PLCB4: variants seen among roughly 807,000 people sequenced by gnomAD.
The protein encoded by PLCB4 is 1-phosphatidylinositol 4,5-bisphosphate phosphodiesterase beta-4.
A neutral mutation model predicts 178.8 loss-of-function variants in PLCB4; 77 were observed. The observed-to-expected ratio is 0.43, with a 90% CI of 0.36 to 0.52. PLCB4 has a LOEUF of 0.52. PLCB4 is among the 20% of genes least tolerant of loss of function. PLCB4 has a pLI of 0.00. For synonymous variants in PLCB4, 496 were observed against 490.8 expected, an observed-to-expected ratio of 1.01 and a Z score of -0.14; for missense variants, 1,024 against 1,453.4, an observed-to-expected ratio of 0.70 and a Z score of 4.80.
At chr20:9,367,860 G>A (rs368209024) in intron 9 of PLCB4, among the ~76,000 whole-genome samples, 11 of 152,190 alleles carry the variant, frequency 7.2e-5, no homozygotes, top group African/African-American at 2.4e-4. Flanking sequence ...AGATATTTTG[G>A]CATCTTCTTT....
chr20:9,396,192 G>C (rs1384095574), intron 19 of PLCB4, among the ~76,000 whole-genome samples: 1 of 152,158 alleles, frequency 6.6e-6, no homozygotes, highest in Non-Finnish European at 1.5e-5. Flanking sequence ...AATCCCTGAA[G>C]CACTTGCTGT....
Position 9,081,306 on chromosome 20 carries a change from G to T in PLCB4, c.-135+12100G>T, listed in dbSNP as rs1030496684. ...TTCAACAGCTCCCTGTTGCTATCAGGATTAATTTGTTTTCCTAATTTGCCA... is the reference window on the plus strand; with the variant it reads ...TTCAACAGCTCCCTGTTGCTATCAGTATTAATTTGTTTTCCTAATTTGCCA... On this transcript the variant is annotated intron_variant, in intron 1 of 39. Coordinates refer to ENST00000378473, the MANE Select transcript of PLCB4 (RefSeq NM_001377142.1). Among the ~76,000 whole-genome samples the T allele has an allele frequency of 3.9e-5, 6 of 152,302 alleles. No homozygotes were observed. In the East Asian group the frequency reaches 1.2e-3, roughly 29 times the overall value.
chr20:9,186,853 C>T (rs1568917071), intron 2 of PLCB4, among the ~76,000 whole-genome samples: 1 of 152,204 alleles, frequency 6.6e-6, no homozygotes, highest in Non-Finnish European at 1.5e-5. Context: ...ATGAAACCAT[C>T]AGTTCTGCCT....
At chr20:9,158,803 C>G (rs935598438) in intron 2 of PLCB4, among the ~76,000 whole-genome samples, 1 of 152,106 alleles carries the variant, frequency 6.6e-6, no homozygotes, top group Non-Finnish European at 1.5e-5. Flanking sequence ...TAAAGGCATG[C>G]TCTATAGGGT....
At chr20:9,190,917 C>T (rs1258969706) in intron 2 of PLCB4, among the ~76,000 whole-genome samples, 1 of 152,102 alleles carries the variant, frequency 6.6e-6, no homozygotes, top group East Asian at 1.9e-4. Flanking sequence ...GACTTAAATC[C>T]AGACATGTCT....
intron 38 of PLCB4, among the ~76,000 whole-genome samples, chr20:9,475,252 A>G (rs1171596216): frequency 2.6e-5 from 4 of 152,258 alleles, no homozygotes; most frequent in African/African-American, 9.6e-5. Flanking sequence ...ATTACTCATC[A>G]CTACAATAGT....
chr20:9,168,708 T>C (rs1188187196), intron 2 of PLCB4, among the ~76,000 whole-genome samples: 3 of 152,166 alleles, frequency 2.0e-5, no homozygotes, highest in African/African-American at 7.2e-5. Flanking sequence ...TGTCTGTCCA[T>C]AGTGGGCAGT....
At chr20:9,168,085 A>G (rs2093002231) in intron 2 of PLCB4, among the ~76,000 whole-genome samples, 1 of 152,346 alleles carries the variant, frequency 6.6e-6, no homozygotes, top group East Asian at 1.9e-4. Flanking sequence ...TTGGAAAAAA[A>G]CCACTTTATG....
rs77299979 is a variant in PLCB4, at chr20:9,283,438, G to A, written c.-15-24362G>A. Reference sequence around the variant, plus strand: ...TGAAGGCTGATCTTCTAATAGGTGGGGTTTGGGGGACGGTTTTATGAAGTA... The same window carrying A: ...TGAAGGCTGATCTTCTAATAGGTGGAGTTTGGGGGACGGTTTTATGAAGTA... On this transcript the variant is annotated intron_variant, in intron 3 of 39. Transcript: ENST00000378473. Among the ~76,000 whole-genome samples the A allele has an allele frequency of 2.6e-4, 40 of 151,954 alleles. No individual in the cohort carries two copies. In the East Asian group the frequency reaches 5.7e-3, roughly 22 times the overall value.
chr20:9,277,293 A>G (rs1440822172), intron 3 of PLCB4, among the ~76,000 whole-genome samples: 1 of 152,100 alleles, frequency 6.6e-6, no homozygotes, highest in Non-Finnish European at 1.5e-5. Context: ...AGCTGTTTCC[A>G]TAGATAAGCC....
At chr20:9,180,061 T>A (rs2093220143) in intron 2 of PLCB4, among the ~76,000 whole-genome samples, 1 of 152,206 alleles carries the variant, frequency 6.6e-6, no homozygotes, top group African/African-American at 2.4e-5. Flanking sequence ...TGTTTAGTTC[T>A]AAATGCTAGA....
chr20:9,459,694 TG>T lies in PLCB4; in HGVS notation c.3133del (p.Ala1045LeufsTer18). 1 of 1,613,254 alleles carries T rather than the reference TG, an allele frequency of 6.2e-7. No individual in the cohort carries two copies. Among genetic ancestry groups the T allele is most frequent in the Non-Finnish European group, 8.5e-7 (1 of 1,179,264 alleles). ...GGTCAGAAATGATCAATACCCACAG[TG>T]CTGAGGAGCAAGAAATCCGAGACCT... ...EWSEMINTHS[A>X]EEQEIRDLHL... On this transcript the variant is annotated frameshift_variant, in exon 35 of 40. Coordinates refer to ENST00000378473, the MANE Select transcript of PLCB4 (RefSeq NM_001377142.1). LOFTEE classifies it high-confidence loss of function.
chr20:9,175,078 T>C (rs562629738), intron 2 of PLCB4, among the ~76,000 whole-genome samples: 1 of 152,282 alleles, frequency 6.6e-6, no homozygotes, highest in East Asian at 1.9e-4. Flanking sequence ...AGACCGGGTA[T>C]ACAGCATTGG....
intron 4 of PLCB4, among the ~76,000 whole-genome samples, chr20:9,321,047 G>T (rs998412638): frequency 6.6e-6 from 1 of 152,094 alleles, no homozygotes; most frequent in Non-Finnish European, 1.5e-5. Context: ...CCTCAAACAG[G>T]CAACACAGAG....
At chr20:9,109,748 A>G (rs563372434) in intron 2 of PLCB4, among the ~76,000 whole-genome samples, 1 of 152,176 alleles carries the variant, frequency 6.6e-6, no homozygotes. Context: ...GTTCGTTCTC[A>G]CATAAATATT....
chr20:9,444,143 A>G, intron 31 of PLCB4, 35 bp from the exon 32 acceptor site: 1 of 1,537,650 alleles, frequency 6.5e-7, no homozygotes, highest in Non-Finnish European at 8.9e-7. Flanking sequence ...AGAAAAAACA[A>G]AAAACCTATT....
intron 2 of PLCB4, among the ~76,000 whole-genome samples, chr20:9,214,978 A>G (rs2093713274): frequency 6.6e-6 from 1 of 152,214 alleles, no homozygotes; most frequent in Non-Finnish European, 1.5e-5. Context: ...TAAGTCTTTG[A>G]TTACGAAATG....
chr20:9,307,919 T>C, intron 4 of PLCB4, 21 bp downstream of exon 4: 1 of 1,002,228 alleles, frequency 1.0e-6, no homozygotes, highest in African/African-American at 1.6e-5. Flanking sequence ...GTTATTAATC[T>C]TTTCTCTCAA....
chr20:9,287,222 C>T (rs1412907130), intron 3 of PLCB4, among the ~76,000 whole-genome samples: 3 of 152,014 alleles, frequency 2.0e-5, no homozygotes, highest in African/African-American at 4.8e-5. Flanking sequence ...AGGTATCAGA[C>T]TCAGCTGCCT....
Sources: allele counts gnomAD v4.1 joint callset (sites outside exome capture counted in the v4.1 genomes callset), GRCh38; gene constraint gnomAD v4.1.1; transcripts MANE v1.5; gene names NCBI Gene and HGNC (gene_info 2026-07-23, HGNC 2026-07-21).